Variants in LRRC37A2 observed in about 807,000 individuals in gnomAD.
LRRC37A2 encodes the protein leucine rich repeat containing 37 member A2, also known as leucine-rich repeat-containing protein 37A2.
LRRC37A2 carries 9 observed loss-of-function variants against 68.8 expected under a neutral mutation model. That is an observed-to-expected ratio of 0.13 (90% CI 0.08 to 0.23). The LOEUF (loss-of-function observed/expected upper bound fraction) is 0.23, where lower values mean the gene tolerates loss of function less well. Among genes scored for constraint, LRRC37A2 ranks in the 10% least tolerant of loss-of-function variants. The pLI, the probability that LRRC37A2 is intolerant of heterozygous loss-of-function variation, is 1.00. For missense variants in LRRC37A2, 168 were observed against 950.4 expected, an observed-to-expected ratio of 0.18 and a Z score of 10.82; for synonymous variants, 63 against 367.6, an observed-to-expected ratio of 0.17 and a Z score of 9.48.
At chr17:46,963,543 CAAA>C in the LRRC37A2 span, among the ~76,000 whole-genome samples, 2,150 of 137,678 alleles carry the variant, frequency 0.016, 29 homozygotes, top group African/African-American at 0.048. Flanking sequence ...GGCTCGGTCT[CAAA>C]AAAAAAAAAA....
chr17:46,687,490 C>T, the LRRC37A2 span, among the ~76,000 whole-genome samples: 2 of 144,826 alleles, frequency 1.4e-5, no homozygotes, highest in Non-Finnish European at 3.1e-5. Context: ...GTCAGTCTTC[C>T]ACCCTACATG....
the LRRC37A2 span, among the ~76,000 whole-genome samples, chr17:46,982,247 T>G: frequency 6.6e-6 from 1 of 152,184 alleles, no homozygotes; most frequent in Non-Finnish European, 1.5e-5. Context: ...AGAGAAATGC[T>G]CAGTTATATC....
the LRRC37A2 span, chr17:47,019,065 G>C: frequency 7.2e-7 from 1 of 1,380,104 alleles, no homozygotes; most frequent in African/African-American, 1.5e-5. Context: ...CACTACGGAG[G>C]TTGGACATTC....
chr17:46,721,499 A>C, the LRRC37A2 span: 1 of 849,064 alleles, frequency 1.2e-6, no homozygotes, highest in Non-Finnish European at 1.9e-6. Context: ...GTTCTACAGG[A>C]AACTTCATAA....
chr17:46,781,596 A>AGGGAGT, the LRRC37A2 span, among the ~76,000 whole-genome samples: 156 of 152,282 alleles, frequency 1.0e-3, 1 homozygote, highest in South Asian at 2.3e-3. Context: ...TCTGGAAGGG[A>AGGGAGT]GGGAGTGGGA....
At chr17:46,890,696 T>C in the LRRC37A2 span, among the ~76,000 whole-genome samples, 7 of 152,286 alleles carry the variant, frequency 4.6e-5, no homozygotes, top group South Asian at 2.1e-4. Context: ...ATAGTAACCC[T>C]TGGACCTTGT....
chr17:46,771,485 C>CG, the LRRC37A2 span, among the ~76,000 whole-genome samples: 1 of 149,698 alleles, frequency 6.7e-6, no homozygotes, highest in Admixed American at 6.6e-5. Flanking sequence ...TTCCCAGCCC[C>CG]GGGAACGCGG....
upstream of LRRC37A2, among the ~76,000 whole-genome samples, chr17:46,510,977 ACCGTGTAC>A (rs1443519227): frequency 8.2e-5 from 3 of 36,390 alleles, no homozygotes; most frequent in African/African-American, 3.8e-4. Context: ...CCTAAGCCAT[ACCGTGTAC>A]CCTAGGTATG....
At chr17:46,820,377 G>A in the LRRC37A2 span, among the ~76,000 whole-genome samples, 108 of 152,234 alleles carry the variant, frequency 7.1e-4, no homozygotes, top group Non-Finnish European at 1.3e-3. Flanking sequence ...AATCCGAGAG[G>A]AGGAGAGAGA....
At chr17:46,791,348 C>T in the LRRC37A2 span, among the ~76,000 whole-genome samples, 2 of 152,046 alleles carry the variant, frequency 1.3e-5, no homozygotes, top group Admixed American at 6.6e-5. Context: ...GGATTACAGA[C>T]GAGGACCACC....
chr17:46,809,766 T>C, the LRRC37A2 span, among the ~76,000 whole-genome samples: 8 of 152,076 alleles, frequency 5.3e-5, no homozygotes, highest in Non-Finnish European at 1.0e-4. Context: ...TGAACCTGGG[T>C]ATGCCCCGTG....
the LRRC37A2 span, among the ~76,000 whole-genome samples, chr17:46,609,941 C>T: frequency 7.0e-6 from 1 of 143,842 alleles, no homozygotes; most frequent in East Asian, 1.9e-4. Context: ...CTCACCTCAG[C>T]CCCCTGAATA....
the LRRC37A2 span, among the ~76,000 whole-genome samples, chr17:46,961,477 G>A: frequency 1.3e-5 from 2 of 152,150 alleles, no homozygotes; most frequent in African/African-American, 2.4e-5. Context: ...CGAGGCTGCA[G>A]TGAGCTATGA....
the LRRC37A2 span, among the ~76,000 whole-genome samples, chr17:46,998,161 G>A: frequency 7.9e-5 from 12 of 152,186 alleles, no homozygotes; most frequent in African/African-American, 2.4e-4. Context: ...AATATATAAC[G>A]ATATTAAAGA....
At chr17:46,965,475 C>A in the LRRC37A2 span, among the ~76,000 whole-genome samples, 2 of 152,320 alleles carry the variant, frequency 1.3e-5, no homozygotes, top group East Asian at 3.9e-4. Context: ...GAGCAGTTCC[C>A]AGCTTTTGTG....
At chr17:46,979,095 C>T in the LRRC37A2 span, 2 of 1,244,676 alleles carry the variant, frequency 1.6e-6, no homozygotes, top group Non-Finnish European at 2.0e-6. Flanking sequence ...CGCTCCGGAC[C>T]CCTCGGACCG....
chr17:46,769,476 T>G, the LRRC37A2 span, among the ~76,000 whole-genome samples: 1 of 152,140 alleles, frequency 6.6e-6, no homozygotes, highest in East Asian at 1.9e-4. Flanking sequence ...TTCCCAGGAC[T>G]TGACAGCCCT....
chr17:46,892,249 C>T, the LRRC37A2 span, among the ~76,000 whole-genome samples: 1 of 152,012 alleles, frequency 6.6e-6, no homozygotes, highest in East Asian at 1.9e-4. Context: ...CTGGAAATGT[C>T]ACACCCCTGC....
chr17:46,978,359 C>G, the LRRC37A2 span: 26 of 444,936 alleles, frequency 5.8e-5, no homozygotes, highest in Non-Finnish European at 8.7e-5. Flanking sequence ...TACCCACTCC[C>G]ACCCTGCCCC....
Sources: allele counts gnomAD v4.1 joint callset (sites outside exome capture counted in the v4.1 genomes callset), GRCh38; gene constraint gnomAD v4.1.1; transcripts MANE v1.5; gene names NCBI Gene and HGNC (gene_info 2026-07-23, HGNC 2026-07-21).